The following MEGF9 variants were observed in gnomAD, a reference collection of about 807,000 sequenced individuals.
The protein encoded by MEGF9 is multiple epidermal growth factor-like domains protein 9.
A neutral mutation model predicts 46.8 loss-of-function variants in MEGF9; 6 were observed. The ratio of observed to expected loss-of-function variants is 0.13; its 90% CI spans 0.07 to 0.25. The LOEUF is 0.25. Among genes scored for constraint, MEGF9 ranks in the 10% least tolerant of loss-of-function variants. The pLI, the probability that MEGF9 is intolerant of heterozygous loss-of-function variation, is 1.00. For missense variants in MEGF9, 683 were observed against 792.4 expected (o/e 0.86, Z 1.66); for synonymous variants, 302 against 330.7 (o/e 0.91, Z 0.94).
intron 1 of MEGF9, among the ~76,000 whole-genome samples, chr9:120,699,493 A>C (rs1164188232): frequency 1.3e-5 from 2 of 152,042 alleles, no homozygotes; most frequent in Non-Finnish European, 1.5e-5. Context: ...TGCGATAGGA[A>C]GATTGTTTGA....
chr9:120,694,530 T>C (rs932338793), intron 1 of MEGF9, among the ~76,000 whole-genome samples: 8 of 152,372 alleles, frequency 5.3e-5, no homozygotes, highest in Middle Eastern at 3.4e-3. Context: ...ATTATGGGCC[T>C]CCACTTCTTC....
intron 2 of MEGF9, among the ~76,000 whole-genome samples, chr9:120,629,782 A>T (rs2043542528): frequency 6.6e-6 from 1 of 151,850 alleles, no homozygotes; most frequent in African/African-American, 2.4e-5. Flanking sequence ...AAAATACAAA[A>T]ATTAGCTAGG....
At position 120,603,817 on chromosome 9, in the gene MEGF9, T is replaced by C. The variant is rs1207316690; in HGVS notation, c.*1373A>G. 1 of 152,666 alleles carries C rather than the reference T, an allele frequency of 6.6e-6. No homozygotes were observed. The highest frequency in any genetic ancestry group is 2.4e-5 in the African/African-American group (1 of 41,458). The allele number at this position is 152,666 out of a possible 1,614,324, so 9.5% of individuals were successfully genotyped here. ...GAAGACAATGGGAGAACTATAGCAC[T>C]GCAGGGAGATGGCACATACCTCATG... is the stretch of plus-strand genomic sequence containing the variant. On this transcript the variant is annotated 3_prime_UTR_variant, in exon 6 of 6. Coordinates refer to ENST00000373930, the MANE Select transcript of MEGF9 (RefSeq NM_001080497.3).
At chr9:120,626,933 T>C (rs2043527925) in intron 2 of MEGF9, among the ~76,000 whole-genome samples, 1 of 152,212 alleles carries the variant, frequency 6.6e-6, no homozygotes, top group Admixed American at 6.5e-5. Context: ...ATGGACATGA[T>C]GACAGTGATC....
chr9:120,672,893 C>T (rs2043756189), intron 1 of MEGF9, among the ~76,000 whole-genome samples: 2 of 152,072 alleles, frequency 1.3e-5, no homozygotes, highest in Admixed American at 1.3e-4. Context: ...TGTGGTGGTG[C>T]ATGCCTGTAA....
In MEGF9 at chr9:120,713,778, G is replaced by C. The variant is rs2043964233; in HGVS notation, c.581C>G (p.Ala194Gly). The change falls in exon 1 of 6, where the codon GCC becomes GGC. Residue 194 changes from alanine to glycine, a missense_variant. Around this residue, in one of 2 missense-constraint regions of MEGF9, gnomAD observed 370 missense variants for 371.3 expected, o/e 1.00. Coordinates refer to ENST00000373930, the MANE Select transcript of MEGF9 (RefSeq NM_001080497.3). ...CTCACCTGGAGGAGGCGAAGAGGGG[G>C]CCTCGGTGGCAGGTGGGGTGGGGAG... ...SVLPTPPATE[A>G]PSSPPPEYVC... The C allele has an allele frequency of 7.7e-7, 1 of 1,293,852 alleles. No homozygotes were observed. The highest frequency in any genetic ancestry group is 3.1e-5 in the Admixed American group (1 of 32,184). The allele number at this position is 1,293,852 out of a possible 1,614,324, so 80.1% of individuals were successfully genotyped here.
intron 1 of MEGF9, among the ~76,000 whole-genome samples, chr9:120,697,900 T>C (rs886318727): frequency 2.0e-5 from 3 of 152,168 alleles, no homozygotes; most frequent in Non-Finnish European, 4.4e-5. Context: ...CAAAATGTGC[T>C]CTGTAACTAC....
intron 3 of MEGF9, 40 bp downstream of exon 3, chr9:120,622,576 A>G (rs374513975): frequency 6.2e-7 from 1 of 1,608,678 alleles, no homozygotes; most frequent in African/African-American, 1.3e-5. Context: ...TTAAAAGAAC[A>G]GTGGAATAAT....
At chr9:120,620,365 T>C (rs542096596) in intron 3 of MEGF9, among the ~76,000 whole-genome samples, 3 of 152,332 alleles carry the variant, frequency 2.0e-5, no homozygotes, top group South Asian at 2.1e-4. Context: ...CATTTGTTCA[T>C]TTATTTGATA....
At chr9:120,631,170 A>G (rs1380073073) in intron 2 of MEGF9, among the ~76,000 whole-genome samples, 1 of 152,162 alleles carries the variant, frequency 6.6e-6, no homozygotes, top group Non-Finnish European at 1.5e-5. Flanking sequence ...GTGAGAGATA[A>G]AGGTCTAGTT....
chr9:120,656,521 T>C (rs561018200), intron 2 of MEGF9, among the ~76,000 whole-genome samples: 1 of 125,212 alleles, frequency 8.0e-6, no homozygotes, highest in Admixed American at 1.1e-4. Context: ...CACTCCAGCC[T>C]GAGAGACAGA....
intron 2 of MEGF9, among the ~76,000 whole-genome samples, chr9:120,658,587 G>A (rs1319008586): frequency 1.3e-5 from 2 of 152,180 alleles, no homozygotes; most frequent in Non-Finnish European, 2.9e-5. Flanking sequence ...AAGGAACACA[G>A]CTCCTAAGTG....
intron 2 of MEGF9, 115 bp downstream of exon 2, chr9:120,659,259 A>G (rs2043690850): frequency 1.5e-6 from 1 of 650,658 alleles, no homozygotes; most frequent in Non-Finnish European, 2.4e-6. Context: ...AATATTTTGT[A>G]AATCTATGAC....
At chr9:120,653,250 T>G (rs2043661439) in intron 2 of MEGF9, among the ~76,000 whole-genome samples, 1 of 152,224 alleles carries the variant, frequency 6.6e-6, no homozygotes, top group Non-Finnish European at 1.5e-5. Context: ...GCTATGTGGA[T>G]TTAGAGCTCC....
At chr9:120,634,273 G>A (rs914987441) in intron 2 of MEGF9, among the ~76,000 whole-genome samples, 1 of 151,990 alleles carries the variant, frequency 6.6e-6, no homozygotes, top group African/African-American at 2.4e-5. Context: ...GGGTGCTCCA[G>A]TGTTGGGTGC....
intron 3 of MEGF9, among the ~76,000 whole-genome samples, chr9:120,618,322 A>T (rs2043481232): frequency 6.6e-6 from 1 of 152,202 alleles, no homozygotes; most frequent in Non-Finnish European, 1.5e-5. Context: ...GTTAGGTAGC[A>T]CAAAAACTAG....
chr9:120,680,883 T>C (rs1015261654), intron 1 of MEGF9, among the ~76,000 whole-genome samples: 2 of 151,858 alleles, frequency 1.3e-5, no homozygotes, highest in African/African-American at 4.8e-5. Context: ...CATCAGCTTG[T>C]GGTGAATGCT....
At position 120,628,468 on chromosome 9, in the gene MEGF9, G is replaced by GTTTTT. The variant is rs1170322238; in HGVS notation, c.804-5718_804-5714dup. ...TATTCAGACAGAAATTCTTGTCGTT[G>GTTTTT]TTTTTTTTTTTTTTTTTTTTTTTTT... On this transcript the variant is annotated intron_variant, in intron 2 of 5. Transcript: ENST00000373930. 2.5e-3 allele frequency among the ~76,000 whole-genome samples: 174 copies of GTTTTT among 69,040 alleles called. 42 individuals carry two copies. The highest frequency in any genetic ancestry group is 3.8e-3 in the Non-Finnish European group (143 of 38,042). The allele number at this position is 69,040 out of a possible 152,430, so 45.3% of individuals were successfully genotyped here.
At position 120,605,931 on chromosome 9, in the gene MEGF9, T is replaced by C. The variant is rs2043418645; in HGVS notation, c.1358-290A>G. On this transcript the variant is annotated intron_variant, in intron 5 of 5. Coordinates refer to ENST00000373930, the MANE Select transcript of MEGF9 (RefSeq NM_001080497.3). The surrounding 1 kb of genome is among the most constrained non-coding windows in gnomAD (Gnocchi z 4.0). ...GCTCACACCTGTAATCCCAGCACTT[T>C]GGGCGGCCGAGGGTGGTGGATCACG... Among the ~76,000 whole-genome samples, 1 of 152,084 alleles carries C rather than the reference T, an allele frequency of 6.6e-6. No individual in the cohort carries two copies. The highest frequency in any genetic ancestry group is 2.1e-4 in the South Asian group (1 of 4,830).
Sources: allele counts gnomAD v4.1 joint callset (sites outside exome capture counted in the v4.1 genomes callset), GRCh38; gene constraint gnomAD v4.1.1; regional missense constraint gnomAD v4.1.1; non-coding constraint Gnocchi (gnomAD v3.1); transcripts MANE v1.5; gene names NCBI Gene and HGNC (gene_info 2026-07-23, HGNC 2026-07-21).